The following MAP3K20 variants were observed in gnomAD, a reference collection of about 807,000 sequenced individuals.
The protein encoded by MAP3K20 is HCCS-4.
MAP3K20 carries 40 observed loss-of-function variants against 85.7 expected under a neutral mutation model. The ratio of observed to expected loss-of-function variants is 0.47; its 90% CI spans 0.36 to 0.61. The LOEUF is 0.61. Ranked by LOEUF, MAP3K20 falls within the 20% of genes least tolerant of loss-of-function variation. The pLI is 0.00. For missense variants in MAP3K20, 817 were observed against 961.7 expected, an observed-to-expected ratio of 0.85 and a Z score of 1.99; for synonymous variants, 325 against 327.7, an observed-to-expected ratio of 0.99 and a Z score of 0.09.
intron 11 of MAP3K20, chr2:173,226,193 C>A (rs1166205126): frequency 1.2e-6 from 1 of 816,212 alleles, no homozygotes; most frequent in South Asian, 5.9e-5. Flanking sequence ...AATTAGGGGT[C>A]GGGGGAGGGT....
At chr2:173,232,653 G>C (rs1684550076) in intron 14 of MAP3K20, among the ~76,000 whole-genome samples, 194 bp downstream of exon 14, 1 of 152,138 alleles carries the variant, frequency 6.6e-6, no homozygotes, top group Admixed American at 6.5e-5. Context: ...ACAGAAGCGT[G>C]CCACCACACC....
At chr2:173,204,959 C>T (rs938691188) in intron 9 of MAP3K20, among the ~76,000 whole-genome samples, 25 of 151,742 alleles carry the variant, frequency 1.6e-4, no homozygotes, top group South Asian at 6.2e-4. Context: ...AAAAATTAGC[C>T]GGGCGTGGTG....
intron 2 of MAP3K20, among the ~76,000 whole-genome samples, chr2:173,099,707 C>G (rs1687578039): frequency 1.3e-5 from 2 of 152,146 alleles, no homozygotes; most frequent in African/African-American, 4.8e-5. Context: ...TTCTCTTTCT[C>G]TTCTGAATTT....
chr2:173,090,070 C>T (rs1687249553), intron 1 of MAP3K20, among the ~76,000 whole-genome samples: 1 of 152,128 alleles, frequency 6.6e-6, no homozygotes. Context: ...TAAAATAGTA[C>T]ACATGGGATA....
intron 1 of MAP3K20, among the ~76,000 whole-genome samples, chr2:173,084,980 T>A (rs939674812): frequency 7.9e-5 from 12 of 152,332 alleles, no homozygotes; most frequent in Admixed American, 2.0e-4. Flanking sequence ...TGTTGAAATA[T>A]CTCTTATTTG....
chr2:173,096,311 G>C (rs1687458167), intron 2 of MAP3K20, among the ~76,000 whole-genome samples: 1 of 150,970 alleles, frequency 6.6e-6, no homozygotes, highest in African/African-American at 2.4e-5. Flanking sequence ...TGTAGCTGTG[G>C]CAATGTATGT....
intron 2 of MAP3K20, among the ~76,000 whole-genome samples, chr2:173,158,085 C>G (rs1311770140): frequency 6.6e-6 from 1 of 152,188 alleles, no homozygotes; most frequent in African/African-American, 2.4e-5. Flanking sequence ...TACCCTCGGG[C>G]AAGTTTTAAA....
At chr2:173,140,725 G>C (rs1380255273) in intron 2 of MAP3K20, among the ~76,000 whole-genome samples, 2 of 152,110 alleles carry the variant, frequency 1.3e-5, no homozygotes, top group Admixed American at 1.3e-4. Flanking sequence ...ATGTGAAGAG[G>C]GTGGCATGAG....
At chr2:173,091,904 G>C (rs1225818143) in intron 2 of MAP3K20, among the ~76,000 whole-genome samples, 1 of 152,208 alleles carries the variant, frequency 6.6e-6, no homozygotes, top group Non-Finnish European at 1.5e-5. Flanking sequence ...TTACAGAGCT[G>C]ACCTGCAGGG....
At chr2:173,139,052 G>T (rs1688890647) in intron 2 of MAP3K20, among the ~76,000 whole-genome samples, 1 of 152,144 alleles carries the variant, frequency 6.6e-6, no homozygotes, top group African/African-American at 2.4e-5. Flanking sequence ...TTTGAACTTG[G>T]TATCCTCAAA....
chr2:173,202,773 G>A (rs941212343), intron 8 of MAP3K20, among the ~76,000 whole-genome samples: 9 of 152,170 alleles, frequency 5.9e-5, no homozygotes, highest in Non-Finnish European at 8.8e-5. Flanking sequence ...TTGTATTAAC[G>A]ACTCCAGTAC....
At chr2:173,177,041 T>C (rs1690180631) in intron 3 of MAP3K20, among the ~76,000 whole-genome samples, 2 of 152,188 alleles carry the variant, frequency 1.3e-5, no homozygotes, top group South Asian at 4.1e-4. Flanking sequence ...GGTCTCAAAG[T>C]ATGTGAAGCA....
chr2:173,225,163 T>C, intron 11 of MAP3K20: 1 of 983,934 alleles, frequency 1.0e-6, no homozygotes. Flanking sequence ...GGGGCGGTGC[T>C]GTCACCGAAT....
chr2:173,258,631 G>A, intron 16 of MAP3K20, 68 bp from the exon 17 acceptor site: 1 of 843,238 alleles, frequency 1.2e-6, no homozygotes. Context: ...TATGTGTTAG[G>A]AAATATTGAG....
intron 16 of MAP3K20, among the ~76,000 whole-genome samples, chr2:173,251,526 G>C (rs1558910761): frequency 6.6e-6 from 1 of 152,148 alleles, no homozygotes; most frequent in Non-Finnish European, 1.5e-5. Flanking sequence ...AATTAACATA[G>C]ATAAATCTCA....
intron 7 of MAP3K20, among the ~76,000 whole-genome samples, chr2:173,196,549 C>A (rs1298051944): frequency 6.6e-6 from 1 of 152,196 alleles, no homozygotes; most frequent in African/African-American, 2.4e-5. Context: ...CCTGCTTGAG[C>A]AGCATCTGCC....
chr2:173,139,057 C>T (rs985457029), intron 2 of MAP3K20, among the ~76,000 whole-genome samples: 4 of 152,144 alleles, frequency 2.6e-5, no homozygotes. Flanking sequence ...ACTTGGTATC[C>T]TCAAATGATA....
At chr2:173,178,965 A>G (rs1690246469) in intron 3 of MAP3K20, among the ~76,000 whole-genome samples, 1 of 152,224 alleles carries the variant, frequency 6.6e-6, no homozygotes, top group Non-Finnish European at 1.5e-5. Flanking sequence ...TATCCCAGAA[A>G]TGGAAGGTTG....
intron 2 of MAP3K20, among the ~76,000 whole-genome samples, chr2:173,113,509 T>C (rs748358438): frequency 6.6e-6 from 1 of 152,088 alleles, no homozygotes; most frequent in Admixed American, 6.6e-5. Flanking sequence ...GCTCGTTCAG[T>C]CTTTGATGTA....
Sources: gnomAD v4.1 joint callset for allele counts (sites outside exome capture counted in the v4.1 genomes callset) on GRCh38, gnomAD v4.1.1 for gene constraint, MANE v1.5 for transcripts, NCBI Gene and HGNC (gene_info 2026-07-23, HGNC 2026-07-21) for gene names.